The following ANKRD36C variants were observed in gnomAD, a reference collection of about 807,000 sequenced individuals.
The protein encoded by ANKRD36C is ankyrin repeat domain 36C.
ANKRD36C carries 61 observed loss-of-function variants against 276.4 expected under a neutral mutation model. That is an observed-to-expected ratio of 0.22 (90% CI 0.18 to 0.27). ANKRD36C has a LOEUF of 0.27. Ranked by LOEUF, ANKRD36C falls within the 10% of genes least tolerant of loss-of-function variation. The pLI is 1.00. For synonymous variants in ANKRD36C, 483 were observed against 680.1 expected (o/e 0.71, Z 4.51); for missense variants, 1,447 against 2,032.3 (o/e 0.71, Z 5.54).
chr2:95,980,879 G>C (rs1678902100), intron 4 of ANKRD36C, 94 bp from the exon 5 acceptor site: 3 of 1,462,648 alleles, frequency 2.1e-6, no homozygotes, highest in African/African-American at 2.8e-5. Flanking sequence ...TGTCCATGTA[G>C]AATTAACCCA....
intron 61 of ANKRD36C, among the ~76,000 whole-genome samples, chr2:95,859,122 C>T (rs897802403): frequency 6.6e-6 from 1 of 152,020 alleles, no homozygotes; most frequent in African/African-American, 2.4e-5. Context: ...CAACCTCTGC[C>T]TCCCAGGTTC....
chr2:95,921,394 G>A (rs1044854672), intron 34 of ANKRD36C, among the ~76,000 whole-genome samples: 1 of 151,558 alleles, frequency 6.6e-6, no homozygotes, highest in African/African-American at 2.4e-5. Flanking sequence ...TCAACGTGGG[G>A]AAGTGTATAA....
rs1678910640 is a variant in ANKRD36C at position 95,981,351 on chromosome 2, T to C, written c.594-566A>G. 2.7e-5 allele frequency among the ~76,000 whole-genome samples: 4 copies of C among 148,156 alleles called. No homozygotes were observed. In the South Asian group the frequency reaches 8.4e-4, roughly 31 times the overall value. The stretch of plus-strand genomic sequence containing the variant: ...AGTAACACCACATATATATAAAATA[T>C]ATATTGTATATTATATATAATCTAT... On this transcript the variant is annotated intron_variant, in intron 4 of 66. Transcript: ENST00000456556.
chr2:95,889,710 T>C (rs1676288196), intron 48 of ANKRD36C, 89 bp downstream of exon 68: 10 of 1,476,310 alleles, frequency 6.8e-6, no homozygotes, highest in East Asian at 5.0e-5. Flanking sequence ...AACATGAAGA[T>C]TTGACGAACC....
intron 5 of ANKRD36C, among the ~76,000 whole-genome samples, chr2:95,979,622 C>T (rs186658311): frequency 2.0e-5 from 3 of 152,108 alleles, no homozygotes; most frequent in African/African-American, 7.2e-5. Context: ...GAAGCTTCCA[C>T]TACCTGAGAA....
exon 59 of ANKRD36C, chr2:95,876,469 C>A (rs1244776739): frequency 4.4e-6 from 7 of 1,605,108 alleles, no homozygotes; most frequent in Non-Finnish European, 6.0e-6. Context: ...ATTCTTCAAG[C>A]CTCTTTTGCT....
intron 6 of ANKRD36C, among the ~76,000 whole-genome samples, chr2:95,964,581 C>A (rs1220796157): frequency 5.9e-5 from 9 of 151,970 alleles, no homozygotes; most frequent in Admixed American, 6.6e-5. Flanking sequence ...TTAAATGTAT[C>A]AGACACTTGA....
At chr2:95,869,972 C>A (rs942941452) in intron 59 of ANKRD36C, among the ~76,000 whole-genome samples, 2 of 152,250 alleles carry the variant, frequency 1.3e-5, no homozygotes, top group African/African-American at 4.8e-5. Context: ...GGGCACCTGC[C>A]ATTGCCCAGG....
intron 42 of ANKRD36C, among the ~76,000 whole-genome samples, 190 bp downstream of exon 48, chr2:95,908,312 A>T (rs1175266606): frequency 6.6e-6 from 1 of 150,854 alleles, no homozygotes; most frequent in Non-Finnish European, 1.5e-5. Context: ...GAAGTGTATA[A>T]TCTTACGGCG....
In ANKRD36C at chr2:95,982,365, G is replaced by A; in HGVS notation, c.487-3C>T. ...AGGAACAGTGGCGGATATTCATCCTGTAAAATAACAGCAACAATTTATAAT... is the reference window on the plus strand; with the variant it reads ...AGGAACAGTGGCGGATATTCATCCTATAAAATAACAGCAACAATTTATAAT... On this transcript the variant is annotated splice_region_variant and splice_polypyrimidine_tract_variant and intron_variant, in intron 3 of 66. Coordinates refer to ENST00000456556, the Ensembl canonical transcript of ANKRD36C. 2.6e-6 allele frequency: 4 copies of A among 1,532,570 alleles called. No individual in the cohort carries two copies. The highest frequency in any genetic ancestry group is 3.5e-6 in the Non-Finnish European group (4 of 1,137,194). 94.9% of individuals were successfully genotyped at this position (1,532,570 alleles called of 1,614,324 possible).
At chr2:95,897,826 C>T (rs1339477524) in intron 44 of ANKRD36C, among the ~76,000 whole-genome samples, 3 of 143,060 alleles carry the variant, frequency 2.1e-5, no homozygotes, top group Non-Finnish European at 3.1e-5. Flanking sequence ...GCTACATGAT[C>T]CCACTTACCT....
At chr2:95,991,074 G>C (rs552686412) in intron 1 of ANKRD36C, among the ~76,000 whole-genome samples, 1 of 151,208 alleles carries the variant, frequency 6.6e-6, no homozygotes, top group East Asian at 1.9e-4. Flanking sequence ...GGCTGAGCCT[G>C]CCAGGAAAGA....
intron 6 of ANKRD36C, among the ~76,000 whole-genome samples, chr2:95,976,677 T>C (rs945174767): frequency 3.3e-5 from 5 of 152,138 alleles, no homozygotes; most frequent in African/African-American, 1.2e-4. Context: ...AGGATCTTGG[T>C]AGATTTGTTC....
intron 44 of ANKRD36C, 117 bp from the exon 61 acceptor site, chr2:95,895,707 A>G: frequency 1.3e-6 from 2 of 1,513,766 alleles, no homozygotes; most frequent in Non-Finnish European, 1.8e-6. Flanking sequence ...GGAGGCTTTC[A>G]TGGCTTCTAC....
At chr2:95,890,194 T>A (rs1676307526) in intron 46 of ANKRD36C, among the ~76,000 whole-genome samples, 200 bp from the exon 67 acceptor site, 1 of 151,492 alleles carries the variant, frequency 6.6e-6, no homozygotes, top group Admixed American at 6.6e-5. Flanking sequence ...AATATATCCT[T>A]ACAATTTTAA....
chr2:95,965,299 C>T (rs986570123), intron 6 of ANKRD36C, among the ~76,000 whole-genome samples: 6 of 151,894 alleles, frequency 4.0e-5, no homozygotes, highest in Non-Finnish European at 7.4e-5. Context: ...CTTCAAGGGC[C>T]TATTTGTCAT....
chr2:95,978,333 C>A, intron 5 of ANKRD36C, 144 bp from the exon 6 acceptor site: 1 of 330,900 alleles, frequency 3.0e-6, no homozygotes, highest in South Asian at 3.4e-5. Flanking sequence ...CTACAAACTT[C>A]TTAGTACCTT....
chr2:95,861,694 A>G (rs534001713), intron 60 of ANKRD36C, among the ~76,000 whole-genome samples: 1 of 152,280 alleles, frequency 6.6e-6, no homozygotes, highest in African/African-American at 2.4e-5. Context: ...AACACAGAAC[A>G]GTTGGGACTA....
At chr2:95,902,141 A>T (rs1197843304) in intron 42 of ANKRD36C, among the ~76,000 whole-genome samples, 4 of 149,898 alleles carry the variant, frequency 2.7e-5, no homozygotes, top group Admixed American at 6.7e-5. Context: ...TTGAACAGGG[A>T]AGCAAATTTA....
Sources: allele counts gnomAD v4.1 joint callset (sites outside exome capture counted in the v4.1 genomes callset), GRCh38; gene constraint gnomAD v4.1.1; transcripts MANE v1.5; gene names NCBI Gene and HGNC (gene_info 2026-07-23, HGNC 2026-07-21).